Variants in SKIDA1 observed in about 807,000 individuals in gnomAD.
SKIDA1 encodes the protein SKI/DACH domain containing 1.
SKIDA1 carries 18 observed loss-of-function variants against 51.4 expected under a neutral mutation model. That is an observed-to-expected ratio of 0.35 (90% CI 0.24 to 0.52). SKIDA1 has a LOEUF of 0.52. SKIDA1 is among the 20% of genes least tolerant of loss of function. SKIDA1 has a pLI of 0.95. For missense variants in SKIDA1, 1,104 were observed against 1,180.6 expected, an observed-to-expected ratio of 0.94 and a Z score of 0.95; for synonymous variants, 579 against 500.5, an observed-to-expected ratio of 1.16 and a Z score of -2.09.
rs2032124511 is a variant in SKIDA1, at chr10:21,514,261, T to C, written c.*835A>G. On this transcript the variant is annotated 3_prime_UTR_variant, in exon 4 of 4. Coordinates refer to ENST00000449193, the MANE Select transcript of SKIDA1 (RefSeq NM_207371.4). ...AGAAATATTTCAATTGTTTTGGGAG[T>C]TTGAAGAGTCATGTTCAGACCACAA... 6.8e-6 allele frequency: 1 copy of C among 147,874 alleles called. No individual in the cohort carries two copies. The allele number at this position is 147,874 out of a possible 1,614,324, so 9.2% of individuals were successfully genotyped here.
Position 21,517,445 on chromosome 10 carries a change from G to T in SKIDA1, c.378C>A (p.Ser126Arg). 1 of 1,504,770 alleles carries T rather than the reference G, an allele frequency of 6.6e-7. No individual in the cohort carries two copies. The highest frequency in any genetic ancestry group is 8.8e-7 in the Non-Finnish European group (1 of 1,131,966). The allele number at this position is 1,504,770 out of a possible 1,614,324, so 93.2% of individuals were successfully genotyped here. ...TGTCCTTCCAAAATCCCGGGCGGGGGCTGGCGGCAGCGGCGCGCTCTGGCG... is the reference window on the plus strand; with the variant it reads ...TGTCCTTCCAAAATCCCGGGCGGGGTCTGGCGGCAGCGGCGCGCTCTGGCG... ...APPPERAAAASPRPGFWKDKH... is the reference protein window; with the variant it reads ...APPPERAAAARPRPGFWKDKH... The change falls in exon 4 of 4, where the codon AGC becomes AGA. Residue 126 changes from serine to arginine, a missense_variant. Coordinates refer to ENST00000449193, the MANE Select transcript of SKIDA1 (RefSeq NM_207371.4). The surrounding 1 kb of genome is among the most constrained non-coding windows in gnomAD (Gnocchi z 6.9).
rs940846974 is a variant in SKIDA1 at position 21,518,714 on chromosome 10, T to C, written c.-892A>G. 4 of 167,172 alleles carry C rather than the reference T, an allele frequency of 2.4e-5. No individual in the cohort carries two copies. The East Asian group carries it at 7.7e-4, about 32-fold the overall frequency. The allele number at this position is 167,172 out of a possible 1,614,324, so 10.4% of individuals were successfully genotyped here. ...CCTTTTCCTTTTGGAAAATGGAGCT[T>C]AAGGGAAAATGTGCAGAATAGCCTG... On this transcript the variant is annotated 5_prime_UTR_variant, in exon 4 of 4. Transcript: ENST00000449193.
At chr10:21,522,918 G>C (rs994470701) in intron 2 of SKIDA1, among the ~76,000 whole-genome samples, 1 of 152,130 alleles carries the variant, frequency 6.6e-6, no homozygotes, top group African/African-American at 2.4e-5. Context: ...TTTTTGTGAG[G>C]CTTTGTTCTG....
In SKIDA1 at chr10:21,516,447, A is replaced by C; in HGVS notation, c.1376T>G (p.Val459Gly). The C allele has an allele frequency of 3.7e-6, 6 of 1,612,672 alleles. No individual in the cohort carries two copies. The highest frequency in any genetic ancestry group is 5.1e-6 in the Non-Finnish European group (6 of 1,179,786). ...ESDSSSGSSQ[V>G]SVQSIRFRRT... ...CCTGAATCGGATGCTCTGCACTGAC[A>C]CTTGGCTGGAGCCGGAGCTGGAGTC... The change falls in exon 4 of 4, where the codon GTG becomes GGG. Residue 459 changes from valine (V) to glycine (G), a missense_variant. By Grantham distance (109) the Val-to-Gly change is moderately radical (BLOSUM62 -3). This residue lies in a region of SKIDA1 where 938 missense variants were observed against 886.4 expected (regional missense o/e 1.06). Coordinates refer to ENST00000449193, the MANE Select transcript of SKIDA1 (RefSeq NM_207371.4). This position sits in a 1 kb window ranked among gnomAD's most constrained non-coding sequence, Gnocchi z 5.7.
intron 2 of SKIDA1, among the ~76,000 whole-genome samples, chr10:21,522,231 C>A (rs563229568): frequency 9.5e-5 from 13 of 136,968 alleles, no homozygotes; most frequent in South Asian, 2.4e-4. Flanking sequence ...CAAGCTTTCA[C>A]CCATACATAC....
At chr10:21,522,445 C>G (rs1239118874) in intron 2 of SKIDA1, among the ~76,000 whole-genome samples, 1 of 152,044 alleles carries the variant, frequency 6.6e-6, no homozygotes, top group Non-Finnish European at 1.5e-5. Context: ...GTGCTATTAA[C>G]TAAAAGTAAC....
chr10:21,516,634 C>A lies in SKIDA1; in HGVS notation c.1189G>T (p.Asp397Tyr). The A allele has an allele frequency of 6.4e-7, 1 of 1,551,872 alleles. No individual in the cohort carries two copies. The highest frequency in any genetic ancestry group is 8.7e-7 in the Non-Finnish European group (1 of 1,147,026). The change falls in exon 4 of 4, where the codon GAT becomes TAT. Residue 397 changes from aspartate (D) to tyrosine (Y), a missense_variant. By Grantham distance (160) the Asp-to-Tyr change is radical. This residue lies in a region of SKIDA1 where 938 missense variants were observed against 886.4 expected (regional missense o/e 1.06). Coordinates refer to ENST00000449193, the MANE Select transcript of SKIDA1 (RefSeq NM_207371.4). The surrounding 1 kb of genome is among the most constrained non-coding windows in gnomAD (Gnocchi z 5.7). ...SYSDHAANDSDFGSSLSSSSN... is the reference protein window; with the variant it reads ...SYSDHAANDSYFGSSLSSSSN... Reference sequence around the variant, plus strand: ...GAGCTGGACAAACTGGAGCCAAAATCCGAGTCGTTGGCCGCGTGGTCCGAG... The same window carrying A: ...GAGCTGGACAAACTGGAGCCAAAATACGAGTCGTTGGCCGCGTGGTCCGAG...
In SKIDA1 at chr10:21,516,392, C is replaced by T. The variant is rs373816445; in HGVS notation, c.1431G>A (p.Val477=). 3.1e-6 allele frequency: 5 copies of T among 1,613,374 alleles called. No homozygotes were observed. The highest frequency in any genetic ancestry group is 4.2e-6 in the Non-Finnish European group (5 of 1,179,906). The change falls in exon 4 of 4, where the codon GTG becomes GTA. Residue 477 remains valine (V), a synonymous_variant. Coordinates refer to ENST00000449193, the MANE Select transcript of SKIDA1 (RefSeq NM_207371.4). This position sits in a 1 kb window ranked among gnomAD's most constrained non-coding sequence, Gnocchi z 5.7. ...GGTACAAGAAGTTGGCCTGCGCCTG[C>T]ACGCTGGGAGGCTTGCAGAAGCTGG... is the stretch of plus-strand genomic sequence containing the variant. The part of the protein sequence containing the change: ...RRTSFCKPPS[V]QAQANFLYHL...
chr10:21,524,718 G>A (rs1474297410), intron 1 of SKIDA1: 1 of 152,114 alleles, frequency 6.6e-6, no homozygotes, highest in African/African-American at 2.4e-5. Context: ...TTTCAAGGTG[G>A]ATTGTGTATT....
intron 3 of SKIDA1, among the ~76,000 whole-genome samples, chr10:21,520,283 T>G (rs1177339972): frequency 6.6e-6 from 1 of 152,194 alleles, no homozygotes; most frequent in Non-Finnish European, 1.5e-5. Context: ...ACCGTGTTTT[T>G]CTCTTTCACT....
At position 21,519,185 on chromosome 10, in the gene SKIDA1, G is replaced by T. The variant is rs1002407080; in HGVS notation, c.-1363C>A. The T allele has an allele frequency of 6.0e-6, 1 of 167,046 alleles. No homozygotes were observed. Among genetic ancestry groups the T allele is most frequent in the African/African-American group, 2.4e-5 (1 of 41,430 alleles). 10.3% of individuals were successfully genotyped at this position (167,046 alleles called of 1,614,324 possible). On this transcript the variant is annotated 5_prime_UTR_variant, in exon 4 of 4. Coordinates refer to ENST00000449193, the MANE Select transcript of SKIDA1 (RefSeq NM_207371.4). Reference sequence around the variant, plus strand: ...TTGCTTCCTTCTGCAGCAAAGAAAAGAAACTGTCAAACGCCCAAGGTGCTT... The same window carrying T: ...TTGCTTCCTTCTGCAGCAAAGAAAATAAACTGTCAAACGCCCAAGGTGCTT...
rs1440682140 is a variant in SKIDA1, at chr10:21,517,477, C to G, written c.346G>C (p.Ala116Pro). Residue 116 changes from alanine (A) to proline (P), a missense_variant, in exon 4 of 4, where the codon GCG becomes CCG. By Grantham distance (27) the Ala-to-Pro change is conservative (BLOSUM62 -1). Coordinates refer to ENST00000449193, the MANE Select transcript of SKIDA1 (RefSeq NM_207371.4). This position sits in a 1 kb window ranked among gnomAD's most constrained non-coding sequence, Gnocchi z 6.9. ...GCAGCGGCGCGCTCTGGCGGCGGCG[C>G]CTTTGTGGCCAGGGCCCGGCCGACC... is the stretch of plus-strand genomic sequence containing the variant. ...RRVGRALATKAPPPERAAAAS... is the reference protein window; with the variant it reads ...RRVGRALATKPPPPERAAAAS... The G allele has an allele frequency of 1.3e-6, 2 of 1,537,564 alleles. No individual in the cohort carries two copies. Among genetic ancestry groups the G allele is most frequent in the Admixed American group, 2.1e-5 (1 of 47,650 alleles).
chr10:21,516,582 T>G lies in SKIDA1; in HGVS notation c.1241A>C (p.Glu414Ala). The change falls in exon 4 of 4, where the codon GAG becomes GCG. Residue 414 changes from glutamate (E) to alanine (A), a missense_variant. Around this residue, in one of 3 missense-constraint regions of SKIDA1, gnomAD observed 938 missense variants for 886.4 expected, o/e 1.06. Transcript: ENST00000449193. This position sits in a 1 kb window ranked among gnomAD's most constrained non-coding sequence, Gnocchi z 5.7. Reference protein sequence around the residue: ...SSSNSVSSEEEEEEGEEEEEE... With the variant: ...SSSNSVSSEEAEEEGEEEEEE... The stretch of plus-strand genomic sequence containing the variant: ...CTCCTCCTCCTCTCCCTCCTCCTCC[T>G]CTTCCTCTGAGGACACAGAATTGCT... 1 of 1,552,048 alleles carries G rather than the reference T, an allele frequency of 6.4e-7. No homozygotes were observed.
At position 21,515,068 on chromosome 10, in the gene SKIDA1, G is replaced by A. The variant is rs1200234192; in HGVS notation, c.*28C>T. 3 of 1,544,788 alleles carry A rather than the reference G, an allele frequency of 1.9e-6. No homozygotes were observed. Among genetic ancestry groups the A allele is most frequent in the Admixed American group, 2.0e-5 (1 of 50,458 alleles). ...TTTACAACAAAAGGAAGGTAATATGGTTCAAGAAAATATCTTCCAAAACAT... is the reference window on the plus strand; with the variant it reads ...TTTACAACAAAAGGAAGGTAATATGATTCAAGAAAATATCTTCCAAAACAT... On this transcript the variant is annotated 3_prime_UTR_variant, in exon 4 of 4. Coordinates refer to ENST00000449193, the MANE Select transcript of SKIDA1 (RefSeq NM_207371.4).
At position 21,515,353 on chromosome 10, in the gene SKIDA1, T is replaced by C. The variant is rs768988806; in HGVS notation, c.2470A>G (p.Thr824Ala). Reference protein sequence around the residue: ...ETNEGTLDDFTVINRRKKVAS... With the variant: ...ETNEGTLDDFAVINRRKKVAS... ...ACCTTTTTGCGTCTGTTTATAACTG[T>C]AAAATCATCCAGTGTTCCTTCATTT... is the stretch of plus-strand genomic sequence containing the variant. Residue 824 changes from threonine to alanine, a missense_variant, in exon 4 of 4, where the codon ACA (threonine) becomes GCA (alanine). By Grantham distance (58) the Thr-to-Ala change is moderately conservative. Around this residue, in one of 3 missense-constraint regions of SKIDA1, gnomAD observed 112 missense variants for 168.3 expected, o/e 0.67. Transcript: ENST00000449193. 8.1e-6 allele frequency: 13 copies of C among 1,614,050 alleles called. No individual in the cohort carries two copies. In the South Asian group the frequency reaches 1.4e-4, roughly 18 times the overall value.
Position 21,523,758 on chromosome 10 carries a change from G to A in SKIDA1, c.-2004C>T, listed in dbSNP as rs775875475. On this transcript the variant is annotated 5_prime_UTR_variant, in exon 2 of 4. Coordinates refer to ENST00000449193, the MANE Select transcript of SKIDA1 (RefSeq NM_207371.4). ...AGGAGAGACAAGACATGAGGAGCCT[G>A]ATGGTCTCTGGAAAGGGAATCCTCT... 2.0e-5 allele frequency: 3 copies of A among 152,172 alleles called. No homozygotes were observed. The highest frequency in any genetic ancestry group is 7.2e-5 in the African/African-American group (3 of 41,416). 9.4% of individuals were successfully genotyped at this position (152,172 alleles called of 1,614,324 possible).
chr10:21,522,293 C>A (rs1054769914), intron 2 of SKIDA1, among the ~76,000 whole-genome samples: 1 of 70,846 alleles, frequency 1.4e-5, no homozygotes, highest in African/African-American at 4.8e-5. Flanking sequence ...CCCCCCCCCG[C>A]CACCAGCTCT....
At position 21,517,083 on chromosome 10, in the gene SKIDA1, T is replaced by G; in HGVS notation, c.740A>C (p.Gln247Pro). 1.0e-6 allele frequency: 1 copy of G among 972,510 alleles called. No homozygotes were observed. Among genetic ancestry groups the G allele is most frequent in the Non-Finnish European group, 1.2e-6 (1 of 831,546 alleles). The allele number at this position is 972,510 out of a possible 1,614,324, so 60.2% of individuals were successfully genotyped here. A position where few individuals can be genotyped will look rare whatever the true frequency, so the allele number is the denominator to read the frequency against. ...GGGCTGGGGCCCGGCCGCCGATACCTGGTAATAGGCGGCGGCGGCGGCGGC... is the reference window on the plus strand; with the variant it reads ...GGGCTGGGGCCCGGCCGCCGATACCGGGTAATAGGCGGCGGCGGCGGCGGC... The part of the protein sequence containing the change: ...AAAAAAAAYY[Q>P]VSAAGPQPKA... The change falls in exon 4 of 4, where the codon CAG becomes CCG. Residue 247 changes from glutamine (Q) to proline (P), a missense_variant. Transcript: ENST00000449193. This position sits in a 1 kb window ranked among gnomAD's most constrained non-coding sequence, Gnocchi z 6.9.
At chr10:21,525,143 G>A (rs1759086053) in intron 1 of SKIDA1, among the ~76,000 whole-genome samples, 1 of 152,198 alleles carries the variant, frequency 6.6e-6, no homozygotes, top group Admixed American at 6.5e-5. Flanking sequence ...CTGTTTGAAG[G>A]GGTTTCTGCG....
Sources: allele counts gnomAD v4.1 joint callset (sites outside exome capture counted in the v4.1 genomes callset), GRCh38; gene constraint gnomAD v4.1.1; regional missense constraint gnomAD v4.1.1; non-coding constraint Gnocchi (gnomAD v3.1); transcripts MANE v1.5; gene names NCBI Gene and HGNC (gene_info 2026-07-23, HGNC 2026-07-21).